Variants in NEDD4 observed in about 807,000 individuals in gnomAD.
NEDD4 encodes the protein NEDD4 E3 ubiquitin protein ligase, also known as E3 ubiquitin-protein ligase NEDD4.
In NEDD4, 99 loss-of-function variants were observed where a neutral mutation model predicts 144.9. That is an observed-to-expected ratio of 0.68 (90% CI 0.58 to 0.81). The LOEUF is 0.81. Ranked by LOEUF, NEDD4 falls within the 30% of genes least tolerant of loss-of-function variation. The pLI, the probability that NEDD4 is intolerant of heterozygous loss-of-function variation, is 0.00. For synonymous variants in NEDD4, 318 were observed against 350.6 expected (o/e 0.91, Z 1.04); for missense variants, 985 against 1,065.9 (o/e 0.92, Z 1.06).
chr15:55,856,038 G>A (rs2034180378), intron 12 of NEDD4, 93 bp downstream of exon 12: 1 of 1,109,702 alleles, frequency 9.0e-7, no homozygotes, highest in African/African-American at 1.6e-5. Flanking sequence ...TTGGCTCCCT[G>A]TAAGGCAAAC....
intron 4 of NEDD4, among the ~76,000 whole-genome samples, chr15:55,926,984 G>A (rs192652885): frequency 6.6e-6 from 1 of 150,694 alleles, no homozygotes; most frequent in East Asian, 2.0e-4. Flanking sequence ...GCTGAGGCAG[G>A]AGAATCGCTT....
chr15:55,830,013 G>C lies in NEDD4; in HGVS notation c.2601-14C>G, dbSNP rs758527272. 1.3e-6 allele frequency: 2 copies of C among 1,593,032 alleles called. No homozygotes were observed. Among genetic ancestry groups the C allele is most frequent in the South Asian group, 2.2e-5 (2 of 89,440 alleles). On this transcript the variant is annotated splice_polypyrimidine_tract_variant and intron_variant, in intron 28 of 28. Coordinates refer to ENST00000435532, the MANE Select transcript of NEDD4 (RefSeq NM_006154.4). ...AGGCGATTAAAACTGAAAGAACAGAGAGGAAGTGGTTATGAAAGACACTGA... is the reference window on the plus strand; with the variant it reads ...AGGCGATTAAAACTGAAAGAACAGACAGGAAGTGGTTATGAAAGACACTGA...
intron 1 of NEDD4, among the ~76,000 whole-genome samples, chr15:55,991,262 A>G (rs1424181691): frequency 6.6e-6 from 1 of 152,222 alleles, no homozygotes; most frequent in African/African-American, 2.4e-5. Context: ...ACATAGCTGC[A>G]ATGCTTTCTT....
intron 11 of NEDD4, 101 bp from the exon 12 acceptor site, chr15:55,856,297 A>G: frequency 9.9e-7 from 1 of 1,008,854 alleles, no homozygotes; most frequent in Non-Finnish European, 1.5e-6. Context: ...GGCAGAAGAG[A>G]GAAGGCTGGC....
At chr15:55,936,440 G>A (rs1301780575) in intron 4 of NEDD4, among the ~76,000 whole-genome samples, 1 of 151,748 alleles carries the variant, frequency 6.6e-6, no homozygotes, top group East Asian at 1.9e-4. Context: ...AAACACATAG[G>A]AAATCCCAGA....
In NEDD4 at chr15:55,842,127, G is replaced by T. The variant is rs143020253; in HGVS notation, c.1645C>A (p.Arg549=). Residue 549 remains arginine (R), a synonymous_variant, in exon 19 of 29, where the codon CGA becomes AGA. Transcript: ENST00000435532. ...IPNKFEMKLR[R]ATVLEDSYRR... is the part of the protein sequence containing the mutation. ...TAAGAGTCTTCAAGAACAGTTGCTCGGCGAAGTTTCATTTCAAATTTGTTT... is the reference window on the plus strand; with the variant it reads ...TAAGAGTCTTCAAGAACAGTTGCTCTGCGAAGTTTCATTTCAAATTTGTTT... 2 of 1,614,046 alleles carry T rather than the reference G, an allele frequency of 1.2e-6. No individual in the cohort carries two copies. Among genetic ancestry groups the T allele is most frequent in the Non-Finnish European group, 1.7e-6 (2 of 1,180,014 alleles).
At chr15:55,870,274 CT>C (rs1220935389) in intron 7 of NEDD4, among the ~76,000 whole-genome samples, 5 of 152,082 alleles carry the variant, frequency 3.3e-5, no homozygotes, top group Non-Finnish European at 7.4e-5. Context: ...GGATGCTAAT[CT>C]GGCCATATTT....
intron 5 of NEDD4, chr15:55,905,384 C>A: frequency 4.8e-6 from 2 of 419,978 alleles, no homozygotes; most frequent in South Asian, 3.5e-5. Context: ...AACAGTGAAA[C>A]CCACCAGTTG....
chr15:55,981,238 G>A (rs540778364), intron 1 of NEDD4, among the ~76,000 whole-genome samples: 1 of 151,936 alleles, frequency 6.6e-6, no homozygotes, highest in East Asian at 1.9e-4. Flanking sequence ...AGACATATGT[G>A]GGATTCTCAT....
intron 5 of NEDD4, chr15:55,916,652 C>G (rs750746395): frequency 6.2e-7 from 1 of 1,613,842 alleles, no homozygotes; most frequent in African/African-American, 1.3e-5. Flanking sequence ...CCTTTATTAA[C>G]GGAGCTAGTG....
chr15:55,838,027 G>C (rs2033292516), intron 23 of NEDD4, 80 bp downstream of exon 23: 1 of 991,562 alleles, frequency 1.0e-6, no homozygotes, highest in African/African-American at 1.6e-5. Flanking sequence ...CAAGGGGACA[G>C]AGAAAGATGG....
chr15:55,834,283 A>C lies in NEDD4; in HGVS notation c.2266T>G (p.Phe756Val). The part of the protein sequence containing the change: ...QKQMAAFKEG[F>V]FELIPQDLIK... Reference sequence around the variant, plus strand: ...AGATCCTGTGGTATTAGTTCAAAGAATCCCTAGAAAAAAGATGTATTTAAA... The same window carrying C: ...AGATCCTGTGGTATTAGTTCAAAGACTCCCTAGAAAAAAGATGTATTTAAA... Residue 756 changes from phenylalanine (F) to valine (V), a missense_variant, in exon 25 of 29, where the codon TTC becomes GTC. By Grantham distance (50) the Phe-to-Val change is conservative. Coordinates refer to ENST00000435532, the MANE Select transcript of NEDD4 (RefSeq NM_006154.4). 6.2e-7 allele frequency: 1 copy of C among 1,601,184 alleles called. No homozygotes were observed. Among genetic ancestry groups the C allele is most frequent in the Non-Finnish European group, 8.6e-7 (1 of 1,169,162 alleles).
At chr15:55,966,726 CCTGATTA>C (rs1343551691) in intron 1 of NEDD4, among the ~76,000 whole-genome samples, 180 bp from the exon 2 acceptor site, 1 of 151,956 alleles carries the variant, frequency 6.6e-6, no homozygotes, top group Non-Finnish European at 1.5e-5. Context: ...TTGTAGATGA[CCTGATTA>C]TTTACAAAGA....
intron 5 of NEDD4, among the ~76,000 whole-genome samples, chr15:55,886,286 G>A (rs1251214207): frequency 6.6e-6 from 1 of 152,168 alleles, no homozygotes. Flanking sequence ...GCATTGGACA[G>A]ATATCCGGAC....
intron 27 of NEDD4, 132 bp downstream of exon 27, chr15:55,832,876 A>G: frequency 6.4e-6 from 4 of 622,986 alleles, no homozygotes; most frequent in Non-Finnish European, 1.1e-5. Context: ...TAATGGTATC[A>G]CTTTCAAAAT....
intron 5 of NEDD4, chr15:55,916,595 A>T: frequency 1.2e-6 from 2 of 1,613,956 alleles, no homozygotes; most frequent in Non-Finnish European, 1.7e-6. Flanking sequence ...TTTTATTAAC[A>T]TTTTCAGATG....
At chr15:55,902,415 T>C (rs2035940207) in intron 5 of NEDD4, among the ~76,000 whole-genome samples, 1 of 152,166 alleles carries the variant, frequency 6.6e-6, no homozygotes, top group South Asian at 2.1e-4. Context: ...CATGGTGGCT[T>C]TATATATGTA....
chr15:55,874,909 C>T (rs1399049162), intron 5 of NEDD4, among the ~76,000 whole-genome samples: 3 of 151,592 alleles, frequency 2.0e-5, no homozygotes, highest in Non-Finnish European at 2.9e-5. Flanking sequence ...AGGAGGCAGA[C>T]GTTGCAGTGA....
At chr15:55,903,979 G>A (rs1287839735) in intron 5 of NEDD4, among the ~76,000 whole-genome samples, 2 of 151,878 alleles carry the variant, frequency 1.3e-5, no homozygotes, top group Non-Finnish European at 2.9e-5. Flanking sequence ...GGCCAACACG[G>A]TGAAACCCCA....
Sources: gnomAD v4.1 joint callset for allele counts (sites outside exome capture counted in the v4.1 genomes callset) on GRCh38, gnomAD v4.1.1 for gene constraint, MANE v1.5 for transcripts, NCBI Gene and HGNC (gene_info 2026-07-23, HGNC 2026-07-21) for gene names.